Variants in PUM1 observed in about 807,000 individuals in gnomAD.
The protein encoded by PUM1 is pumilio RNA binding family member 1.
A neutral mutation model predicts 131.8 loss-of-function variants in PUM1; 13 were observed. That is an observed-to-expected ratio of 0.10 (90% CI 0.06 to 0.16). PUM1 has a LOEUF of 0.16. Ranked by LOEUF, PUM1 falls within the 10% of genes least tolerant of loss-of-function variation. The probability of loss-of-function intolerance (pLI) is 1.00; values close to 1 mark genes in which losing one functional copy is unlikely to be tolerated. For synonymous variants in PUM1, 509 were observed against 556.5 expected (o/e 0.91, Z 1.20); for missense variants, 961 against 1,512.4 (o/e 0.64, Z 6.05).
intron 3 of PUM1, among the ~76,000 whole-genome samples, chr1:31,017,615 C>A (rs982304279): frequency 6.6e-6 from 1 of 151,606 alleles, no homozygotes; most frequent in Non-Finnish European, 1.5e-5. Flanking sequence ...TCCAGGGAAG[C>A]CAAAAGACTG....
At chr1:31,012,552 T>TAAAAAAAAAA (rs10666570) in intron 3 of PUM1, among the ~76,000 whole-genome samples, 2 of 119,118 alleles carry the variant, frequency 1.7e-5, no homozygotes, top group Admixed American at 8.8e-5. Flanking sequence ...TTATGAAAAG[T>TAAAAAAAAAA]AAAAAAAAAA....
intron 5 of PUM1, among the ~76,000 whole-genome samples, chr1:31,002,692 G>A (rs1200427925): frequency 6.6e-6 from 1 of 152,124 alleles, no homozygotes; most frequent in East Asian, 1.9e-4. Context: ...TAAAAGACTT[G>A]ATTGATATTT....
At chr1:31,040,973 G>C (rs939188464) in intron 2 of PUM1, among the ~76,000 whole-genome samples, 2 of 152,100 alleles carry the variant, frequency 1.3e-5, no homozygotes. Context: ...AAGAAAACGG[G>C]AGATGCAGGA....
At chr1:31,061,574 G>A (rs1025826366) in intron 1 of PUM1, 2 of 151,580 alleles carry the variant, frequency 1.3e-5, no homozygotes, top group East Asian at 1.9e-4. Context: ...TGCTCCAGCC[G>A]GGCGACAGAG....
At chr1:30,942,594 G>T (rs1046490976) in intron 18 of PUM1, among the ~76,000 whole-genome samples, 16 of 152,234 alleles carry the variant, frequency 1.1e-4, no homozygotes, top group African/African-American at 3.9e-4. Context: ...AATAAGAAAA[G>T]ATTCTTTTGC....
chr1:30,938,838 C>G (rs1170168022), intron 20 of PUM1, among the ~76,000 whole-genome samples: 1 of 152,032 alleles, frequency 6.6e-6, no homozygotes, highest in Non-Finnish European at 1.5e-5. Flanking sequence ...GTACTCCAGC[C>G]TGGGCGACAG....
intron 2 of PUM1, among the ~76,000 whole-genome samples, chr1:31,056,609 C>CTTTTCTTTTTTTTTTTTTTTTTT (rs1644245029): frequency 4.6e-5 from 2 of 43,688 alleles, no homozygotes; most frequent in Admixed American, 4.0e-4. Flanking sequence ...CTTTTCTTTT[C>CTTTTCTTTTTTTTTTTTTTTTTT]TTTTTTTTTT....
rs1453798670 is a variant in PUM1, at chr1:30,941,068, A to T, written c.3242+83T>A. The T allele has an allele frequency of 1.2e-5, 17 of 1,408,930 alleles. No individual in the cohort carries two copies. In the East Asian group the frequency reaches 4.0e-4, roughly 33 times the overall value. The allele number at this position is 1,408,930 out of a possible 1,614,324, so 87.3% of individuals were successfully genotyped here. Reference sequence around the variant, plus strand: ...CTTTGAAAACAACAACAACAACAACAACATTAAAAAATAAGATAATTATAG... The same window carrying T: ...CTTTGAAAACAACAACAACAACAACTACATTAAAAAATAAGATAATTATAG... On this transcript the variant is annotated intron_variant, in intron 20 of 21. Coordinates refer to ENST00000426105, the MANE Select transcript of PUM1 (RefSeq NM_001020658.2).
intron 5 of PUM1, among the ~76,000 whole-genome samples, chr1:31,004,346 CAG>C (rs1642324826): frequency 6.6e-6 from 1 of 152,198 alleles, no homozygotes; most frequent in Non-Finnish European, 1.5e-5. Flanking sequence ...ACACACATGA[CAG>C]AGAATTCACA....
chr1:31,044,282 T>A (rs1454930311), intron 2 of PUM1, among the ~76,000 whole-genome samples: 1 of 151,988 alleles, frequency 6.6e-6, no homozygotes. Context: ...GCGCCTGTAG[T>A]CCCAGCTACT....
At position 30,956,921 on chromosome 1, in the gene PUM1, TGTTCTGTTATTATGGGCA is replaced by T. The variant is rs547907815; in HGVS notation, c.2324-2958_2324-2941del. Among the ~76,000 whole-genome samples the T allele has an allele frequency of 4.1e-3, 630 of 152,326 alleles. 4 individuals carry two copies. The highest frequency in any genetic ancestry group is 6.6e-3 in the Non-Finnish European group (451 of 68,032). ...ATTGTTTAAGCCACTCTTTGTTGGA[TGTTCTGTTATTATGGGCA>T]AAAACATAATGACTAATCCACACAC... On this transcript the variant is annotated intron_variant, in intron 14 of 21. Transcript: ENST00000426105.
intron 3 of PUM1, among the ~76,000 whole-genome samples, chr1:31,008,703 T>A (rs949922689): frequency 7.9e-5 from 12 of 152,054 alleles, no homozygotes; most frequent in African/African-American, 2.9e-4. Flanking sequence ...GAAATATTGT[T>A]GATGAGTGCC....
At chr1:31,008,076 C>G (rs528556114) in intron 3 of PUM1, among the ~76,000 whole-genome samples, 1 of 152,216 alleles carries the variant, frequency 6.6e-6, no homozygotes, top group African/African-American at 2.4e-5. Flanking sequence ...CACAAAAATA[C>G]CTGGAGAGTT....
chr1:30,962,114 C>T (rs1422378644), intron 14 of PUM1, among the ~76,000 whole-genome samples: 3 of 152,134 alleles, frequency 2.0e-5, no homozygotes, highest in Non-Finnish European at 2.9e-5. Context: ...ATGGCATGTA[C>T]GAAACATGCA....
intron 21 of PUM1, 86 bp from the exon 22 acceptor site, chr1:30,933,428 TCACACACACATACACACACA>T (rs1232683792): frequency 1.2e-4 from 112 of 950,692 alleles, no homozygotes; most frequent in Admixed American, 4.7e-4. Context: ...ATGTCATGCA[TCACACACACATACACACACA>T]CACACACACA....
intron 10 of PUM1, among the ~76,000 whole-genome samples, chr1:30,973,812 C>CA (rs1296872736): frequency 3.3e-5 from 5 of 151,774 alleles, no homozygotes; most frequent in Admixed American, 2.0e-4. Context: ...TGTTATTGGC[C>CA]AGGCACGGTG....
At chr1:31,010,359 T>C (rs1434830177) in intron 3 of PUM1, among the ~76,000 whole-genome samples, 2 of 152,182 alleles carry the variant, frequency 1.3e-5, no homozygotes, top group Admixed American at 1.3e-4. Flanking sequence ...ACCTATGACA[T>C]GCCTCTAAGA....
chr1:30,942,109 G>A lies in PUM1; in HGVS notation c.3009C>T (p.Ser1003=). 1 of 1,559,960 alleles carries A rather than the reference G, an allele frequency of 6.4e-7. No homozygotes were observed. Among genetic ancestry groups the A allele is most frequent in the Non-Finnish European group, 8.7e-7 (1 of 1,148,344 alleles). Residue 1003 remains serine (S), a synonymous_variant, in exon 19 of 22, where the codon TCC becomes TCT. Coordinates refer to ENST00000426105, the MANE Select transcript of PUM1 (RefSeq NM_001020658.2). ...DAFKGQVFAL[S]THPYGCRVIQ... is the part of the protein sequence containing the mutation. ...TCACTCGGCAGCCATAAGGATGTGT[G>A]GATAAGGCAAATACCTAAGGGTAGA...
intron 2 of PUM1, among the ~76,000 whole-genome samples, chr1:31,043,905 A>T (rs1557601769): frequency 6.6e-6 from 1 of 152,164 alleles, no homozygotes; most frequent in East Asian, 1.9e-4. Flanking sequence ...CTAGTGAAGA[A>T]ATTTGTTATT....
Sources: gnomAD v4.1 joint callset for allele counts (sites outside exome capture counted in the v4.1 genomes callset) on GRCh38, gnomAD v4.1.1 for gene constraint, MANE v1.5 for transcripts, NCBI Gene and HGNC (gene_info 2026-07-23, HGNC 2026-07-21) for gene names.